Variants in PRKG1 observed in about 807,000 individuals in gnomAD.
PRKG1 encodes cGMP-dependent protein kinase 1.
A neutral mutation model predicts 88.1 loss-of-function variants in PRKG1; 35 were observed. The ratio of observed to expected loss-of-function variants is 0.40; its 90% CI spans 0.30 to 0.53. The LOEUF (loss-of-function observed/expected upper bound fraction) is 0.53, where lower values mean the gene tolerates loss of function less well. Among genes scored for constraint, PRKG1 ranks in the 20% least tolerant of loss-of-function variants. PRKG1 has a pLI of 0.59. For synonymous variants in PRKG1, 303 were observed against 292.5 expected (o/e 1.04, Z -0.37); for missense variants, 540 against 839.8 (o/e 0.64, Z 4.41).
At chr10:51,797,575 A>T (rs1276804661) in intron 3 of PRKG1, among the ~76,000 whole-genome samples, 1 of 146,938 alleles carries the variant, frequency 6.8e-6, no homozygotes, top group African/African-American at 2.5e-5. Flanking sequence ...ATATTATTTT[A>T]TGTTATATAT....
At chr10:51,933,338 A>G (rs1397801292) in intron 5 of PRKG1, among the ~76,000 whole-genome samples, 2 of 152,162 alleles carry the variant, frequency 1.3e-5, no homozygotes, top group Admixed American at 6.6e-5. Context: ...TACACATGAT[A>G]ATGGATGATC....
intron 2 of PRKG1, among the ~76,000 whole-genome samples, chr10:51,171,196 G>A (rs1904674): frequency 0.066 from 10,010 of 152,170 alleles, 696 homozygotes; most frequent in African/African-American, 0.17. Context: ...AACAGTTGGA[G>A]TAATGGAGTG....
intron 5 of PRKG1, among the ~76,000 whole-genome samples, chr10:52,047,530 A>G (rs1845890881): frequency 6.6e-6 from 1 of 152,162 alleles, no homozygotes; most frequent in African/African-American, 2.4e-5. Flanking sequence ...AGCAATGGTG[A>G]GAATTTTATG....
At chr10:51,534,057 C>T (rs528794496) in intron 3 of PRKG1, among the ~76,000 whole-genome samples, 15 of 152,084 alleles carry the variant, frequency 9.9e-5, no homozygotes, top group African/African-American at 3.6e-4. Flanking sequence ...TTAGGAAGAT[C>T]AAGGAAATAG....
chr10:52,292,185 G>A (rs1842265863), intron 17 of PRKG1, among the ~76,000 whole-genome samples: 1 of 150,660 alleles, frequency 6.6e-6, no homozygotes. Flanking sequence ...TGAGTAGGTT[G>A]CGAAAATTTT....
At chr10:51,448,176 A>G (rs1290874278) in intron 2 of PRKG1, among the ~76,000 whole-genome samples, 10 of 151,960 alleles carry the variant, frequency 6.6e-5, no homozygotes, top group Non-Finnish European at 1.3e-4. Context: ...TGAGTCCAGG[A>G]GGTTGAGGCT....
chr10:51,237,240 C>A (rs1377185162), intron 2 of PRKG1, among the ~76,000 whole-genome samples: 1 of 152,044 alleles, frequency 6.6e-6, no homozygotes, highest in African/African-American at 2.4e-5. Flanking sequence ...TCATTTTTAC[C>A]AAATGATATT....
rs1842414448 is a variant in PRKG1, at chr10:52,297,966, A to G, written c.*4066A>G. On this transcript the variant is annotated 3_prime_UTR_variant, in exon 18 of 18. Transcript: ENST00000373980. ...TGTTAGCCCTCCTCTCTGCCCCTGA[A>G]TCAACAGACAGAGCTCTGGGACCTT... The G allele has an allele frequency of 6.6e-6, 1 of 152,172 alleles. No individual in the cohort carries two copies. The highest frequency in any genetic ancestry group is 6.5e-5 in the Admixed American group (1 of 15,268). The allele number at this position is 152,172 out of a possible 1,614,324, so 9.4% of individuals were successfully genotyped here. A position where few individuals can be genotyped will look rare whatever the true frequency, so the allele number is the denominator to read the frequency against.
At position 51,768,726 on chromosome 10, in the gene PRKG1, T is replaced by C. The variant is rs143261753; in HGVS notation, c.593-35859T>C. ...GAAAAAGGAATGGGGGCTGAGGACA[T>C]AAAAGATGGTATGAGATTTAACTTT... is the stretch of plus-strand genomic sequence containing the variant. On this transcript the variant is annotated intron_variant, in intron 3 of 17. Transcript: ENST00000373980. Among the ~76,000 whole-genome samples the C allele has an allele frequency of 4.4e-3, 669 of 152,266 alleles. 7 individuals are homozygous for C. The highest frequency in any genetic ancestry group is 0.015 in the African/African-American group (626 of 41,570).
At chr10:51,009,047 A>G (rs1244433331) in intron 1 of PRKG1, among the ~76,000 whole-genome samples, 1 of 152,180 alleles carries the variant, frequency 6.6e-6, no homozygotes, top group African/African-American at 2.4e-5. Flanking sequence ...TGAGTTTTAT[A>G]AGGATTTATA....
intron 1 of PRKG1, among the ~76,000 whole-genome samples, chr10:51,112,810 G>A (rs1375765279): frequency 2.0e-5 from 3 of 151,974 alleles, no homozygotes; most frequent in Admixed American, 6.6e-5. Flanking sequence ...GTTTAGTGTC[G>A]ACCATGTTAA....
intron 3 of PRKG1, among the ~76,000 whole-genome samples, chr10:51,666,336 G>T (rs1840422411): frequency 6.6e-6 from 1 of 152,182 alleles, no homozygotes; most frequent in Non-Finnish European, 1.5e-5. Context: ...TTTGACACAT[G>T]AAAGAATATA....
chr10:51,388,670 T>C (rs1837316781), intron 2 of PRKG1, among the ~76,000 whole-genome samples: 1 of 152,236 alleles, frequency 6.6e-6, no homozygotes. Flanking sequence ...TCTAGATTGT[T>C]TTGGTAACTT....
chr10:51,738,842 A>G (rs1837359254), intron 3 of PRKG1, among the ~76,000 whole-genome samples: 2 of 152,198 alleles, frequency 1.3e-5, no homozygotes. Flanking sequence ...CCTGATAGTG[A>G]ATGCTGTGAA....
intron 6 of PRKG1, among the ~76,000 whole-genome samples, chr10:52,060,874 T>TA (rs1846220408): frequency 6.6e-6 from 1 of 151,860 alleles, no homozygotes; most frequent in African/African-American, 2.4e-5. Flanking sequence ...AATAGCACCA[T>TA]AAAAACAAAG....
chr10:51,828,304 T>A (rs1467756107), intron 4 of PRKG1, among the ~76,000 whole-genome samples: 4 of 151,832 alleles, frequency 2.6e-5, no homozygotes, highest in Non-Finnish European at 1.5e-5. Flanking sequence ...TTCATAATCC[T>A]CACGTGAAAA....
chr10:51,368,039 C>T (rs555269527), intron 2 of PRKG1, among the ~76,000 whole-genome samples: 1 of 152,084 alleles, frequency 6.6e-6, no homozygotes, highest in South Asian at 2.1e-4. Flanking sequence ...CCTCCTCTTC[C>T]CAAATCCTAC....
chr10:52,217,017 C>A (rs1840127442), intron 9 of PRKG1, among the ~76,000 whole-genome samples: 1 of 152,006 alleles, frequency 6.6e-6, no homozygotes, highest in African/African-American at 2.4e-5. Context: ...ATGTGCCATT[C>A]CACTTCCTGT....
chr10:52,014,152 T>G (rs10762524), intron 5 of PRKG1, among the ~76,000 whole-genome samples: 64,811 of 151,972 alleles, frequency 0.43, 14,873 homozygotes, highest in East Asian at 0.59. Flanking sequence ...CAAAGATTAT[T>G]GTGTTAGTCT....
Sources: allele counts gnomAD v4.1 joint callset (sites outside exome capture counted in the v4.1 genomes callset), GRCh38; gene constraint gnomAD v4.1.1; transcripts MANE v1.5; gene names NCBI Gene and HGNC (gene_info 2026-07-23, HGNC 2026-07-21).